Variants in ZFHX3 observed in about 807,000 individuals in gnomAD.
ZFHX3 encodes the protein zinc finger homeobox protein 3.
In ZFHX3, 42 loss-of-function variants were observed where a neutral mutation model predicts 279.1. The ratio of observed to expected loss-of-function variants is 0.15; its 90% CI spans 0.12 to 0.19. The LOEUF is 0.19. Among genes scored for constraint, ZFHX3 ranks in the 10% least tolerant of loss-of-function variants. The pLI is 1.00. For missense variants in ZFHX3, 4,981 were observed against 4,754.0 expected (o/e 1.05, Z -1.40); for synonymous variants, 2,293 against 1,957.8 (o/e 1.17, Z -4.52).
intron 6 of ZFHX3, among the ~76,000 whole-genome samples, chr16:73,143,279 G>A (rs1422566130): frequency 6.6e-6 from 1 of 152,078 alleles, no homozygotes; most frequent in Admixed American, 6.6e-5. Context: ...ACCCCGAGAA[G>A]AGAAGAGAAC....
chr16:72,933,813 C>CTTT lies in ZFHX3; in HGVS notation c.3216+16653_3216+16655dup, dbSNP rs71391468. Among the ~76,000 whole-genome samples the CTTT allele has an allele frequency of 2.3e-3, 254 of 112,398 alleles. 6 individuals are homozygous for CTTT. Among genetic ancestry groups the CTTT allele is most frequent in the Middle Eastern group, 0.012 (2 of 172 alleles). The allele number at this position is 112,398 out of a possible 152,430, so 73.7% of individuals were successfully genotyped here. On this transcript the variant is annotated intron_variant, in intron 3 of 9. Transcript: ENST00000268489. ...TATGAAATGTTTAGCTCACAACTTT[C>CTTT]TTTTTTTTTTTTTTTTTTTTTTTGA...
chr16:73,877,203 G>GC (rs1047715564), intron 1 of ZFHX3, among the ~76,000 whole-genome samples: 3 of 133,212 alleles, frequency 2.3e-5, no homozygotes, highest in African/African-American at 8.4e-5. Context: ...GGGTTAGGTC[G>GC]GGGGGGGGTC....
intron 5 of ZFHX3, among the ~76,000 whole-genome samples, chr16:73,250,203 C>T (rs897979172): frequency 6.6e-6 from 1 of 152,154 alleles, no homozygotes; most frequent in African/African-American, 2.4e-5. Context: ...GTAATGTATC[C>T]CCTGAGTACT....
intron 2 of ZFHX3, among the ~76,000 whole-genome samples, chr16:73,514,943 C>T (rs1265557990): frequency 1.3e-5 from 2 of 152,220 alleles, no homozygotes; most frequent in African/African-American, 4.8e-5. Context: ...TGATAAACAA[C>T]TGAGCTGCCC....
intron 1 of ZFHX3, among the ~76,000 whole-genome samples, chr16:72,978,299 C>T (rs1180500441): frequency 6.6e-6 from 1 of 152,198 alleles, no homozygotes; most frequent in Non-Finnish European, 1.5e-5. Context: ...TTCCTATTAC[C>T]CTCTCACACG....
chr16:73,155,069 G>A (rs1967041089), intron 5 of ZFHX3, among the ~76,000 whole-genome samples: 1 of 151,750 alleles, frequency 6.6e-6, no homozygotes, highest in South Asian at 2.1e-4. Flanking sequence ...GCTACTCAGA[G>A]GTTGAGGCAC....
At chr16:73,168,263 C>CTTTCTTTCTTTCTT (rs1293705672) in intron 5 of ZFHX3, among the ~76,000 whole-genome samples, 2 of 148,668 alleles carry the variant, frequency 1.3e-5, no homozygotes, top group Non-Finnish European at 3.0e-5. Flanking sequence ...TTCTTTCTTT[C>CTTTCTTTCTTTCTT]TTTCTTTCTT....
intron 8 of ZFHX3, among the ~76,000 whole-genome samples, chr16:73,070,008 A>G (rs2144753711): frequency 6.6e-6 from 1 of 152,330 alleles, no homozygotes; most frequent in Non-Finnish European, 1.5e-5. Context: ...GTTTGCTTTC[A>G]GATAAAGTTT....
At chr16:73,253,597 G>A (rs898122624) in intron 5 of ZFHX3, among the ~76,000 whole-genome samples, 10 of 146,762 alleles carry the variant, frequency 6.8e-5, no homozygotes, top group South Asian at 4.4e-4. Flanking sequence ...GACTACAGGC[G>A]CCTGCCACCA....
At chr16:72,876,496 G>A (rs1213726794) in intron 4 of ZFHX3, among the ~76,000 whole-genome samples, 1 of 152,060 alleles carries the variant, frequency 6.6e-6, no homozygotes, top group East Asian at 1.9e-4. Context: ...TCCCCACGAG[G>A]CATCGCCCGT....
At chr16:73,420,594 T>C (rs1364057253) in intron 3 of ZFHX3, 2 of 152,230 alleles carry the variant, frequency 1.3e-5, no homozygotes, top group Non-Finnish European at 2.9e-5. Context: ...TTTGATGTAA[T>C]GACATGGCAT....
At chr16:73,424,641 C>A (rs1485543709) in intron 3 of ZFHX3, among the ~76,000 whole-genome samples, 2 of 151,122 alleles carry the variant, frequency 1.3e-5, no homozygotes, top group Non-Finnish European at 2.9e-5. Context: ...ATAGTCTCAG[C>A]CGCTTGGGAG....
At chr16:72,846,641 T>C (rs2037487620) in intron 4 of ZFHX3, among the ~76,000 whole-genome samples, 1 of 152,248 alleles carries the variant, frequency 6.6e-6, no homozygotes, top group South Asian at 2.1e-4. Flanking sequence ...AGCAGAGAAC[T>C]GTTTGTGTGG....
intron 2 of ZFHX3, among the ~76,000 whole-genome samples, chr16:73,496,036 T>C (rs1304407130): frequency 1.3e-5 from 2 of 152,212 alleles, no homozygotes; most frequent in Non-Finnish European, 2.9e-5. Flanking sequence ...CATATTAGTT[T>C]AGAATTTGCA....
intron 8 of ZFHX3, among the ~76,000 whole-genome samples, chr16:73,068,950 T>C (rs1300861556): frequency 6.6e-6 from 1 of 152,228 alleles, no homozygotes; most frequent in African/African-American, 2.4e-5. Context: ...CTGGCCTCCA[T>C]GCGCACTGCG....
intron 1 of ZFHX3, among the ~76,000 whole-genome samples, chr16:72,998,455 T>C (rs1963370830): frequency 6.6e-6 from 1 of 152,184 alleles, no homozygotes; most frequent in South Asian, 2.1e-4. Flanking sequence ...TTCATTGTAA[T>C]ATGTCTTATT....
chr16:72,876,779 G>C (rs1239582746), intron 4 of ZFHX3, among the ~76,000 whole-genome samples: 2 of 152,096 alleles, frequency 1.3e-5, no homozygotes, highest in African/African-American at 4.8e-5. Flanking sequence ...AAAGCCGCCT[G>C]TGGCCAGATT....
At chr16:72,857,050 C>A (rs1026968347) in intron 4 of ZFHX3, among the ~76,000 whole-genome samples, 1 of 152,214 alleles carries the variant, frequency 6.6e-6, no homozygotes. Flanking sequence ...TTCCACAATT[C>A]CACATTCCCC....
At chr16:73,137,546 G>A (rs569354721) in intron 6 of ZFHX3, 14 of 152,126 alleles carry the variant, frequency 9.2e-5, no homozygotes, top group African/African-American at 2.7e-4. Flanking sequence ...TGAGTGGCTC[G>A]TGGGACTTGC....
Sources: gnomAD v4.1 joint callset for allele counts (sites outside exome capture counted in the v4.1 genomes callset) on GRCh38, gnomAD v4.1.1 for gene constraint, MANE v1.5 for transcripts, NCBI Gene and HGNC (gene_info 2026-07-23, HGNC 2026-07-21) for gene names.